Variants in MAN1A2 observed in about 807,000 individuals in gnomAD.
The protein encoded by MAN1A2 is mannosidase alpha class 1A member 2.
Under a neutral mutation model 75.7 loss-of-function variants are expected in MAN1A2, and 26 were observed. The ratio of observed to expected loss-of-function variants is 0.34; its 90% CI spans 0.25 to 0.48. MAN1A2 has a LOEUF of 0.48. MAN1A2 is among the 20% of genes least tolerant of loss of function. The pLI is 0.99. For missense variants in MAN1A2, 562 were observed against 775.5 expected (o/e 0.72, Z 3.27); for synonymous variants, 247 against 264.6 (o/e 0.93, Z 0.65).
At chr1:117,414,907 AT>A in intron 4 of MAN1A2, 76 bp downstream of exon 4, 1 of 864,406 alleles carries the variant, frequency 1.2e-6, no homozygotes, top group Non-Finnish European at 1.9e-6. Context: ...TGGTCTGAAC[AT>A]TTGTGCCTTC....
intron 5 of MAN1A2, among the ~76,000 whole-genome samples, chr1:117,436,180 G>A (rs555255932): frequency 6.6e-6 from 1 of 152,274 alleles, no homozygotes; most frequent in South Asian, 2.1e-4. Context: ...TGTTAACTAG[G>A]TAAATGCTAG....
At chr1:117,429,144 C>G (rs1386345309) in intron 5 of MAN1A2, among the ~76,000 whole-genome samples, 11 of 147,074 alleles carry the variant, frequency 7.5e-5, no homozygotes, top group Non-Finnish European at 1.4e-4. Context: ...AACAGGATCC[C>G]AAGGCAGAGG....
intron 8 of MAN1A2, among the ~76,000 whole-genome samples, chr1:117,485,034 A>G (rs1650627304): frequency 6.6e-6 from 1 of 151,992 alleles, no homozygotes; most frequent in African/African-American, 2.4e-5. Flanking sequence ...TAAATGTTTT[A>G]TGATTTTTCA....
intron 6 of MAN1A2, among the ~76,000 whole-genome samples, chr1:117,449,947 GC>G (rs1649353141): frequency 1.3e-5 from 2 of 152,194 alleles, no homozygotes; most frequent in African/African-American, 4.8e-5. Context: ...GAAGGAATCT[GC>G]CTCCAAAACT....
chr1:117,424,262 C>T (rs1379457482), intron 5 of MAN1A2, among the ~76,000 whole-genome samples: 1 of 152,112 alleles, frequency 6.6e-6, no homozygotes, highest in Non-Finnish European at 1.5e-5. Context: ...TCTTGCCTTA[C>T]TGCATTGCCT....
At chr1:117,420,477 G>T in intron 4 of MAN1A2, 92 bp from the exon 5 acceptor site, 1 of 846,006 alleles carries the variant, frequency 1.2e-6, no homozygotes, top group Non-Finnish European at 1.9e-6. Context: ...TTTTCCACAG[G>T]GTGTTTGTGA....
chr1:117,417,557 A>ATATATATATATGTG (rs1214425551), intron 4 of MAN1A2, among the ~76,000 whole-genome samples: 3 of 140,740 alleles, frequency 2.1e-5, no homozygotes, highest in African/African-American at 7.9e-5. Flanking sequence ...ATATATATAT[A>ATATATATATATGTG]TGTGATATAT....
intron 6 of MAN1A2, among the ~76,000 whole-genome samples, chr1:117,456,573 T>A (rs1039191892): frequency 2.6e-5 from 4 of 152,042 alleles, no homozygotes; most frequent in African/African-American, 9.6e-5. Flanking sequence ...CACTTTCAAT[T>A]GACTCTTGTA....
At chr1:117,483,587 T>A (rs1190267614) in intron 8 of MAN1A2, among the ~76,000 whole-genome samples, 1 of 152,144 alleles carries the variant, frequency 6.6e-6, no homozygotes, top group African/African-American at 2.4e-5. Context: ...GCACATTGAT[T>A]TTGTATCCTG....
intron 6 of MAN1A2, among the ~76,000 whole-genome samples, chr1:117,451,511 CA>C (rs1557956261): frequency 6.6e-6 from 1 of 152,104 alleles, no homozygotes; most frequent in Non-Finnish European, 1.5e-5. Flanking sequence ...TGGGAGGGGC[CA>C]GGGGCCGAAT....
chr1:117,522,924 C>T lies in MAN1A2; in HGVS notation c.1893C>T (p.Asn631=). The change falls in exon 13 of 13, where the codon AAC becomes AAT. Residue 631 remains asparagine, a synonymous_variant. Coordinates refer to ENST00000356554, the MANE Select transcript of MAN1A2 (RefSeq NM_006699.5). ...AHPLPVLHLA[N]TTLSGNPAVR is the part of the protein sequence containing the mutation. Reference sequence around the variant, plus strand: ...CTCTGCCTGTGTTACATTTAGCCAACACCACACTTTCAGGTAATCCTGCTG... The same window carrying T: ...CTCTGCCTGTGTTACATTTAGCCAATACCACACTTTCAGGTAATCCTGCTG... The T allele has an allele frequency of 6.2e-7, 1 of 1,611,780 alleles. No homozygotes were observed.
In MAN1A2 at chr1:117,527,463, A is replaced by C. The variant is rs575800963; in HGVS notation, c.*4506A>C. The stretch of plus-strand genomic sequence containing the variant: ...CATAATTCATTTTTAAATCAAAAAG[A>C]TGTGCGTATATATGGTTGTGTGTAT... On this transcript the variant is annotated 3_prime_UTR_variant, in exon 13 of 13. Coordinates refer to ENST00000356554, the MANE Select transcript of MAN1A2 (RefSeq NM_006699.5). 6.6e-6 allele frequency: 1 copy of C among 152,062 alleles called. No homozygotes were observed. Among genetic ancestry groups the C allele is most frequent in the South Asian group, 2.1e-4 (1 of 4,820 alleles). 9.4% of individuals were successfully genotyped at this position (152,062 alleles called of 1,614,324 possible). A position where few individuals can be genotyped will look rare whatever the true frequency, so the allele number is the denominator to read the frequency against.
chr1:117,387,842 A>G (rs940169767), intron 1 of MAN1A2, among the ~76,000 whole-genome samples: 2 of 152,002 alleles, frequency 1.3e-5, no homozygotes, highest in African/African-American at 2.4e-5. Context: ...GTGTCCTCTC[A>G]TGGTCTTTTC....
intron 4 of MAN1A2, among the ~76,000 whole-genome samples, chr1:117,419,016 G>A (rs985406422): frequency 6.6e-6 from 1 of 152,064 alleles, no homozygotes; most frequent in Non-Finnish European, 1.5e-5. Flanking sequence ...AGATAATAGG[G>A]TAACAATTGT....
chr1:117,441,704 G>A (rs1649039333), intron 5 of MAN1A2, among the ~76,000 whole-genome samples: 1 of 152,142 alleles, frequency 6.6e-6, no homozygotes, highest in Non-Finnish European at 1.5e-5. Flanking sequence ...TACCAAAAAA[G>A]CAGCAATTGG....
intron 3 of MAN1A2, among the ~76,000 whole-genome samples, chr1:117,407,600 A>G (rs1271495131): frequency 5.3e-5 from 8 of 152,272 alleles, no homozygotes; most frequent in Admixed American, 5.2e-4. Flanking sequence ...CAATTCTTTT[A>G]TATGGTAACT....
At chr1:117,444,298 C>G (rs61805788) in intron 6 of MAN1A2, among the ~76,000 whole-genome samples, 1 of 151,658 alleles carries the variant, frequency 6.6e-6, no homozygotes, top group South Asian at 2.1e-4. Flanking sequence ...AACATTGCTA[C>G]AATAGCATCC....
At chr1:117,509,479 C>T (rs1307753166) in intron 12 of MAN1A2, among the ~76,000 whole-genome samples, 2 of 151,920 alleles carry the variant, frequency 1.3e-5, no homozygotes, top group African/African-American at 4.8e-5. Flanking sequence ...CAAGGTCCAC[C>T]TGTGGCCCCT....
At chr1:117,489,534 T>C (rs964860404) in intron 8 of MAN1A2, among the ~76,000 whole-genome samples, 6 of 152,110 alleles carry the variant, frequency 3.9e-5, no homozygotes, top group African/African-American at 1.4e-4. Flanking sequence ...TCAGGAGTCG[T>C]CGTTTATGAG....
Sources: allele counts gnomAD v4.1 joint callset (sites outside exome capture counted in the v4.1 genomes callset), GRCh38; gene constraint gnomAD v4.1.1; transcripts MANE v1.5; gene names NCBI Gene and HGNC (gene_info 2026-07-23, HGNC 2026-07-21).